PDE7A: variants seen among roughly 807,000 people sequenced by gnomAD.
PDE7A encodes the protein high affinity 3',5'-cyclic-AMP phosphodiesterase 7A.
Under a neutral mutation model 64.3 loss-of-function variants are expected in PDE7A, and 39 were observed. That is an observed-to-expected ratio of 0.61 (90% CI 0.47 to 0.79). The LOEUF (loss-of-function observed/expected upper bound fraction) is 0.79. Among genes scored for constraint, PDE7A ranks in the 30% least tolerant of loss-of-function variants. The probability of loss-of-function intolerance (pLI) is 0.00; values close to 1 mark genes in which losing one functional copy is unlikely to be tolerated. For missense variants in PDE7A, 470 were observed against 582.8 expected, an observed-to-expected ratio of 0.81 and a Z score of 1.99; for synonymous variants, 203 against 206.8, an observed-to-expected ratio of 0.98 and a Z score of 0.16.
chr8:65,782,861 CATTAT>C lies in PDE7A; in HGVS notation c.139-23_139-19del, dbSNP rs771466804. 25 of 1,363,378 alleles carry C rather than the reference CATTAT, an allele frequency of 1.8e-5. No homozygotes were observed. Among genetic ancestry groups the C allele is most frequent in the Non-Finnish European group, 2.4e-5 (23 of 960,948 alleles). 84.5% of individuals were successfully genotyped at this position (1,363,378 alleles called of 1,614,324 possible). On this transcript the variant is annotated intron_variant, in intron 1 of 12. Coordinates refer to ENST00000401827, the MANE Select transcript of PDE7A (RefSeq NM_001242318.3). The stretch of plus-strand genomic sequence containing the variant: ...CCACGCCTCTAGAAAAAAAAATACA[CATTAT>C]AATACATGACAATTAAATATGATAC...
intron 3 of PDE7A, among the ~76,000 whole-genome samples, chr8:65,758,668 T>G (rs902547385): frequency 6.6e-6 from 1 of 152,196 alleles, no homozygotes; most frequent in Non-Finnish European, 1.5e-5. Context: ...CAAACTATAC[T>G]CTGAAGAGGT....
intron 12 of PDE7A, 52 bp from the exon 13 acceptor site, chr8:65,719,547 TTAAAACATCA>T (rs777412406): frequency 1.7e-6 from 2 of 1,171,816 alleles, no homozygotes; most frequent in East Asian, 4.8e-5. Flanking sequence ...AACTCTATCT[TTAAAACATCA>T]TCTATACAAC....
At chr8:65,772,962 C>T (rs1044619268) in intron 3 of PDE7A, among the ~76,000 whole-genome samples, 8 of 151,986 alleles carry the variant, frequency 5.3e-5, no homozygotes, top group East Asian at 1.9e-4. Context: ...GAGCTGAGAT[C>T]GTGCCACTGC....
intron 7 of PDE7A, 21 bp downstream of exon 7, chr8:65,734,773 A>C: frequency 7.4e-7 from 1 of 1,350,222 alleles, no homozygotes; most frequent in East Asian, 2.3e-5. Context: ...TTTTCACCTG[A>C]AATCAATGTC....
At chr8:65,816,742 G>T (rs1039858208) in intron 1 of PDE7A, among the ~76,000 whole-genome samples, 13 of 152,172 alleles carry the variant, frequency 8.5e-5, no homozygotes, top group African/African-American at 3.1e-4. Flanking sequence ...CTCTTGTGTA[G>T]TGAGTTGATT....
chr8:65,769,963 A>T (rs1328526292), intron 3 of PDE7A, among the ~76,000 whole-genome samples: 1 of 152,108 alleles, frequency 6.6e-6, no homozygotes, highest in East Asian at 1.9e-4. Context: ...CGTGATTTTT[A>T]ATTAGGTGAA....
At chr8:65,791,531 G>C (rs765897572) in intron 1 of PDE7A, among the ~76,000 whole-genome samples, 3 of 152,200 alleles carry the variant, frequency 2.0e-5, no homozygotes, top group Non-Finnish European at 4.4e-5. Flanking sequence ...CACTGTGTTT[G>C]CAAGTGCCCT....
intron 1 of PDE7A, among the ~76,000 whole-genome samples, chr8:65,796,306 C>T (rs1483432827): frequency 2.0e-5 from 3 of 151,678 alleles, no homozygotes; most frequent in South Asian, 2.1e-4. Context: ...GCAGGTTAAA[C>T]GAACTCCAAA....
At chr8:65,832,023 G>A (rs1158883098) in intron 1 of PDE7A, among the ~76,000 whole-genome samples, 1 of 152,096 alleles carries the variant, frequency 6.6e-6, no homozygotes, top group South Asian at 2.1e-4. Context: ...CGCATGCATG[G>A]TATATAGATA....
chr8:65,764,707 ATCT>A (rs775243708), intron 3 of PDE7A, among the ~76,000 whole-genome samples: 5 of 152,202 alleles, frequency 3.3e-5, no homozygotes, highest in Non-Finnish European at 5.9e-5. Context: ...TTTAAGAAAC[ATCT>A]TCTTTCATGT....
chr8:65,760,653 CTG>C (rs2128914015), intron 3 of PDE7A, among the ~76,000 whole-genome samples: 1 of 152,286 alleles, frequency 6.6e-6, no homozygotes, highest in African/African-American at 2.4e-5. Flanking sequence ...CACTTTAAGA[CTG>C]TTGGAAATTT....
rs149393278 is a variant in PDE7A at position 65,823,386 on chromosome 8, A to G, written c.138+17985T>C. Among the ~76,000 whole-genome samples, 648 of 152,264 alleles carry G rather than the reference A, an allele frequency of 4.3e-3. 3 individuals carry two copies. Among genetic ancestry groups the G allele is most frequent in the African/African-American group, 0.014 (579 of 41,562 alleles). On this transcript the variant is annotated intron_variant, in intron 1 of 12. Coordinates refer to ENST00000401827, the MANE Select transcript of PDE7A (RefSeq NM_001242318.3). ...CCTTCAAATTGTCCTCTTGTATGTT[A>G]TTATTATTTAAAAATCCCTTTAAAT...
intron 3 of PDE7A, among the ~76,000 whole-genome samples, chr8:65,778,673 T>C (rs1361542228): frequency 2.0e-5 from 3 of 152,182 alleles, no homozygotes; most frequent in Middle Eastern, 3.2e-3. Flanking sequence ...ACATTCTTAC[T>C]GATGTCTCAA....
intron 3 of PDE7A, among the ~76,000 whole-genome samples, chr8:65,748,466 T>C (rs1379804998): frequency 6.6e-6 from 1 of 152,202 alleles, no homozygotes; most frequent in African/African-American, 2.4e-5. Flanking sequence ...ATAGCCATTT[T>C]TTCCCTCTAG....
At chr8:65,779,464 GA>G (rs201799509) in intron 3 of PDE7A, among the ~76,000 whole-genome samples, 5,961 of 151,818 alleles carry the variant, frequency 0.039, 174 homozygotes, top group African/African-American at 0.084. Flanking sequence ...TCTTTTTAAA[GA>G]AAAAAAAGTA....
intron 1 of PDE7A, among the ~76,000 whole-genome samples, chr8:65,824,843 C>A (rs1417889580): frequency 6.6e-6 from 1 of 152,166 alleles, no homozygotes; most frequent in Non-Finnish European, 1.5e-5. Flanking sequence ...AAAAGATTCA[C>A]GTGACTTGCT....
At chr8:65,797,592 C>T (rs993279338) in intron 1 of PDE7A, among the ~76,000 whole-genome samples, 18 of 152,180 alleles carry the variant, frequency 1.2e-4, no homozygotes, top group African/African-American at 4.3e-4. Flanking sequence ...TTTGTTTTAA[C>T]AGCCCTAGTT....
At chr8:65,748,857 C>A (rs574569553) in intron 3 of PDE7A, among the ~76,000 whole-genome samples, 2 of 152,136 alleles carry the variant, frequency 1.3e-5, no homozygotes, top group Non-Finnish European at 2.9e-5. Flanking sequence ...GTAGCCATGT[C>A]GAGGGTGGTA....
At chr8:65,821,924 A>G (rs917854254) in intron 1 of PDE7A, among the ~76,000 whole-genome samples, 25 of 152,230 alleles carry the variant, frequency 1.6e-4, no homozygotes, top group African/African-American at 5.8e-4. Flanking sequence ...GGCTCACAGT[A>G]TATTTCTACT....
Sources: allele counts gnomAD v4.1 joint callset (sites outside exome capture counted in the v4.1 genomes callset), GRCh38; gene constraint gnomAD v4.1.1; transcripts MANE v1.5; gene names NCBI Gene and HGNC (gene_info 2026-07-23, HGNC 2026-07-21).